Variants in CNTNAP5 observed in about 807,000 individuals in gnomAD.
CNTNAP5 encodes the protein contactin-associated protein-like 5.
CNTNAP5 carries 72 observed loss-of-function variants against 150.2 expected under a neutral mutation model. That is an observed-to-expected ratio of 0.48 (90% CI 0.40 to 0.58). The LOEUF (loss-of-function observed/expected upper bound fraction) is 0.58. Ranked by LOEUF, CNTNAP5 falls within the 20% of genes least tolerant of loss-of-function variation. The probability of loss-of-function intolerance (pLI) is 0.00; values close to 1 mark genes in which losing one functional copy is unlikely to be tolerated. For missense variants in CNTNAP5, 1,636 were observed against 1,626.2 expected (o/e 1.01, Z -0.10); for synonymous variants, 672 against 619.8 (o/e 1.08, Z -1.25).
intron 13 of CNTNAP5, among the ~76,000 whole-genome samples, chr2:124,695,756 G>A (rs1454134): frequency 0.38 from 57,797 of 152,014 alleles, 11,702 homozygotes; most frequent in African/African-American, 0.46. Context: ...AGCTCATACC[G>A]ATGTCCCCAT....
chr2:124,906,805 T>A (rs1303617894), intron 22 of CNTNAP5, among the ~76,000 whole-genome samples: 1 of 152,162 alleles, frequency 6.6e-6, no homozygotes, highest in Non-Finnish European at 1.5e-5. Context: ...CTTTACTGTT[T>A]TATGTTTCAC....
intron 1 of CNTNAP5, among the ~76,000 whole-genome samples, chr2:124,065,586 A>C (rs2104658194): frequency 6.6e-6 from 1 of 152,280 alleles, no homozygotes; most frequent in Non-Finnish European, 1.5e-5. Flanking sequence ...TAATTCGTTA[A>C]ACAGTTGTAC....
At chr2:124,454,423 A>T (rs2104813984) in intron 6 of CNTNAP5, among the ~76,000 whole-genome samples, 1 of 152,308 alleles carries the variant, frequency 6.6e-6, no homozygotes. Context: ...TAGACCTAAC[A>T]TACAGACAGC....
intron 14 of CNTNAP5, among the ~76,000 whole-genome samples, chr2:124,761,799 A>G (rs1374411328): frequency 2.0e-5 from 3 of 152,112 alleles, no homozygotes; most frequent in Non-Finnish European, 4.4e-5. Flanking sequence ...TCATCAAACT[A>G]AATACAATTT....
At chr2:124,037,853 A>G (rs1156889201) in intron 1 of CNTNAP5, among the ~76,000 whole-genome samples, 7 of 152,256 alleles carry the variant, frequency 4.6e-5, no homozygotes, top group Non-Finnish European at 1.5e-5. Context: ...TTCACACTGT[A>G]TACATATATC....
intron 13 of CNTNAP5, among the ~76,000 whole-genome samples, chr2:124,708,486 C>A (rs1679740404): frequency 6.6e-6 from 1 of 151,822 alleles, no homozygotes; most frequent in Non-Finnish European, 1.5e-5. Flanking sequence ...GACATGGGAA[C>A]CTGGCAGTGC....
intron 13 of CNTNAP5, among the ~76,000 whole-genome samples, chr2:124,655,605 A>G (rs1370130772): frequency 6.6e-6 from 1 of 151,868 alleles, no homozygotes; most frequent in Non-Finnish European, 1.5e-5. Context: ...AGAATATAAT[A>G]AACCCAGGTG....
intron 3 of CNTNAP5, among the ~76,000 whole-genome samples, chr2:124,401,145 T>C (rs1365022): frequency 0.75 from 114,283 of 152,126 alleles, 43,995 homozygotes; most frequent in East Asian, 0.9. Context: ...GGATTACAGG[T>C]GTGAGCCATC....
intron 16 of CNTNAP5, among the ~76,000 whole-genome samples, chr2:124,769,413 T>C (rs887882333): frequency 9.2e-5 from 14 of 151,718 alleles, no homozygotes; most frequent in Middle Eastern, 3.2e-3. Context: ...AGGCTAAGAC[T>C]CCTTAGTTTT....
At chr2:124,179,142 C>T (rs1402436334) in intron 1 of CNTNAP5, among the ~76,000 whole-genome samples, 1 of 151,212 alleles carries the variant, frequency 6.6e-6, no homozygotes, top group Non-Finnish European at 1.5e-5. Context: ...TCTCTAACTT[C>T]AGCTGCTTAT....
chr2:124,790,187 C>A (rs1342255096), intron 18 of CNTNAP5, 46 bp downstream of exon 18: 1 of 1,538,294 alleles, frequency 6.5e-7, no homozygotes, highest in Admixed American at 2.0e-5. Flanking sequence ...GCTGTATCAC[C>A]TATACGCTAT....
chr2:124,765,542 C>T (rs1681050302), intron 16 of CNTNAP5, among the ~76,000 whole-genome samples: 1 of 152,010 alleles, frequency 6.6e-6, no homozygotes, highest in Non-Finnish European at 1.5e-5. Context: ...AACTTTCCCT[C>T]AGAATATAAT....
At chr2:124,823,051 A>C (rs183058320) in intron 19 of CNTNAP5, among the ~76,000 whole-genome samples, 2 of 152,358 alleles carry the variant, frequency 1.3e-5, no homozygotes, top group East Asian at 3.9e-4. Context: ...CAGAGAAAAA[A>C]TGAAATGTTT....
chr2:124,605,736 G>T (rs1206737778), intron 11 of CNTNAP5, among the ~76,000 whole-genome samples: 1 of 141,072 alleles, frequency 7.1e-6, no homozygotes, highest in African/African-American at 2.6e-5. Context: ...GAATTGCTTG[G>T]ACCTGGCGGA....
At chr2:124,902,737 G>C (rs1376465787) in intron 21 of CNTNAP5, 145 bp from the exon 22 acceptor site, 1 of 528,848 alleles carries the variant, frequency 1.9e-6, no homozygotes, top group East Asian at 2.9e-5. Context: ...AGGAGATAAA[G>C]AGAGATAGAT....
At chr2:124,769,458 G>T (rs548353396) in intron 16 of CNTNAP5, among the ~76,000 whole-genome samples, 1 of 152,052 alleles carries the variant, frequency 6.6e-6, no homozygotes, top group South Asian at 2.1e-4. Flanking sequence ...GGTGAGAGAA[G>T]GCATTCGTCA....
chr2:124,612,285 G>A lies in CNTNAP5; in HGVS notation c.1876+2365G>A, dbSNP rs1021903891. On this transcript the variant is annotated intron_variant, in intron 12 of 23. Coordinates refer to ENST00000682447, the MANE Select transcript of CNTNAP5 (RefSeq NM_001367498.1). ...GTTTATGTGTGTTTTTGCTATGAAT[G>A]TGTATGTTATATATATACATACAGA... Among the ~76,000 whole-genome samples, 6 of 152,174 alleles carry A rather than the reference G, an allele frequency of 3.9e-5. No homozygotes were observed. The South Asian group carries it at 1.0e-3, about 26-fold the overall frequency.
At chr2:124,713,843 A>G (rs1679890268) in intron 13 of CNTNAP5, among the ~76,000 whole-genome samples, 1 of 152,072 alleles carries the variant, frequency 6.6e-6, no homozygotes, top group Non-Finnish European at 1.5e-5. Flanking sequence ...CTTCTTTATC[A>G]AGGAGCATGA....
At chr2:124,126,962 G>A (rs926667569) in intron 1 of CNTNAP5, among the ~76,000 whole-genome samples, 5 of 152,106 alleles carry the variant, frequency 3.3e-5, no homozygotes, top group African/African-American at 7.2e-5. Flanking sequence ...CATACTGAAT[G>A]GGCAAAAACT....
Sources: gnomAD v4.1 joint callset for allele counts (sites outside exome capture counted in the v4.1 genomes callset) on GRCh38, gnomAD v4.1.1 for gene constraint, MANE v1.5 for transcripts, NCBI Gene and HGNC (gene_info 2026-07-23, HGNC 2026-07-21) for gene names.